The following LRP5 variants were observed in gnomAD, a reference collection of about 807,000 sequenced individuals.
The protein encoded by LRP5 is LDL receptor related protein 5, also known as low-density lipoprotein receptor-related protein 5.
In LRP5, 62 loss-of-function variants were observed where a neutral mutation model predicts 154.1. The ratio of observed to expected loss-of-function variants is 0.40; its 90% CI spans 0.33 to 0.50. The LOEUF is 0.50. Among genes scored for constraint, LRP5 ranks in the 20% least tolerant of loss-of-function variants. The pLI, the probability that LRP5 is intolerant of heterozygous loss-of-function variation, is 0.55. For missense variants in LRP5, 1,915 were observed against 2,336.7 expected (o/e 0.82, Z 3.72); for synonymous variants, 966 against 1,011.5 (o/e 0.96, Z 0.85).
intron 6 of LRP5, among the ~76,000 whole-genome samples, chr11:68,387,448 T>C (rs1178736548): frequency 1.3e-5 from 2 of 152,172 alleles, no homozygotes; most frequent in Non-Finnish European, 2.9e-5. Context: ...TTGCACACCA[T>C]GGGTCTTTTC....
At chr11:68,305,517 A>C in the LRP5 span, among the ~76,000 whole-genome samples, 3 of 152,130 alleles carry the variant, frequency 2.0e-5, no homozygotes, top group Non-Finnish European at 4.4e-5. Context: ...ATCTTGGCTC[A>C]CTACAACCTC....
At chr11:68,326,795 G>T (rs537455004) in intron 1 of LRP5, among the ~76,000 whole-genome samples, 43 of 152,360 alleles carry the variant, frequency 2.8e-4, no homozygotes, top group Non-Finnish European at 5.0e-4. Context: ...TGTAGGAGAC[G>T]TGTGTCTCCA....
rs150771999 is a variant in LRP5, at chr11:68,389,964, A to G, written c.1496A>G (p.Asn499Ser). ...LDGQERRVLV[N>S]ASLGWPNGLA... ...GGGCAGGAGCGGCGTGTGCTGGTCA[A>G]TGCCTCCCTCGGGTGGCCCAACGGC... Residue 499 changes from asparagine to serine, a missense_variant, in exon 7 of 23, where the codon AAT becomes AGT. Coordinates refer to ENST00000294304, the MANE Select transcript of LRP5 (RefSeq NM_002335.4). 6.5e-5 allele frequency: 105 copies of G among 1,614,202 alleles called. No homozygotes were observed. The highest frequency in any genetic ancestry group is 1.6e-4 in the African/African-American group (12 of 75,056).
intron 2 of LRP5, among the ~76,000 whole-genome samples, chr11:68,351,554 C>T (rs2098618556): frequency 6.6e-6 from 1 of 152,178 alleles, no homozygotes; most frequent in African/African-American, 2.4e-5. Flanking sequence ...CTGCCATGGC[C>T]ATCGTGTCGC....
In LRP5 at chr11:68,372,217, C is replaced by T. The variant is rs369397070; in HGVS notation, c.1015+6515C>T. Among the ~76,000 whole-genome samples, 124 of 150,538 alleles carry T rather than the reference C, an allele frequency of 8.2e-4. No individual in the cohort carries two copies. In the East Asian group the frequency reaches 0.018, roughly 22 times the overall value. ...GTGCAGTGTCAGGCAGACCCGGGAC[C>T]GTGGCGGTGAGGAGGTGCAGTGTCA... On this transcript the variant is annotated intron_variant, in intron 5 of 22. Transcript: ENST00000294304.
chr11:68,360,996 CAAAAA>C (rs71043425), intron 3 of LRP5, among the ~76,000 whole-genome samples: 3 of 15,744 alleles, frequency 1.9e-4, no homozygotes, highest in African/African-American at 5.7e-4. Context: ...GACTCTATCT[CAAAAA>C]AAAAAAAAAA....
At position 68,387,114 on chromosome 11, in the gene LRP5, T is replaced by C. The variant is rs527890070; in HGVS notation, c.1412+402T>C. On this transcript the variant is annotated intron_variant, in intron 6 of 22. Transcript: ENST00000294304. ...GACCACAGTACAGGCCAGGCCTCTTTTTTTCTTTTTTTTTTTTTGAGATGG... is the reference window on the plus strand; with the variant it reads ...GACCACAGTACAGGCCAGGCCTCTTCTTTTCTTTTTTTTTTTTTGAGATGG... Among the ~76,000 whole-genome samples the C allele has an allele frequency of 1.9e-4, 29 of 148,946 alleles. No individual in the cohort carries two copies. The East Asian group carries it at 5.6e-3, about 29-fold the overall frequency.
At chr11:68,437,843 C>T (rs552749479) in intron 19 of LRP5, among the ~76,000 whole-genome samples, 27 of 152,254 alleles carry the variant, frequency 1.8e-4, no homozygotes, top group Admixed American at 4.6e-4. Flanking sequence ...GCTGTGGGGG[C>T]GCTGTTGATG....
intron 18 of LRP5, among the ~76,000 whole-genome samples, chr11:68,435,499 C>A (rs113873753): frequency 1.0e-5 from 1 of 100,238 alleles, no homozygotes; most frequent in African/African-American, 4.6e-5. Flanking sequence ...AGAGAGAGAG[C>A]GCCTCTCCCT....
chr11:68,337,736 G>T (rs949094075), intron 1 of LRP5, among the ~76,000 whole-genome samples: 1 of 151,808 alleles, frequency 6.6e-6, no homozygotes, highest in Non-Finnish European at 1.5e-5. Context: ...CAAGAAGCCT[G>T]CCTGATCCAC....
intron 1 of LRP5, among the ~76,000 whole-genome samples, chr11:68,323,827 C>A (rs1348555301): frequency 6.6e-6 from 1 of 152,184 alleles, no homozygotes; most frequent in African/African-American, 2.4e-5. Flanking sequence ...CAGGTTATGC[C>A]CCCGGGAGTT....
chr11:68,416,534 G>T lies in LRP5; in HGVS notation c.3027+7G>T, dbSNP rs776561040. The stretch of plus-strand genomic sequence containing the variant: ...CAAGGACGACGGGACCCAGGCAGGT[G>T]CCCTGTGGGAAGGGTGCGGGGTGTG... On this transcript the variant is annotated splice_region_variant and intron_variant, in intron 13 of 22. Transcript: ENST00000294304. The T allele has an allele frequency of 6.8e-6, 11 of 1,613,936 alleles. No individual in the cohort carries two copies. The Admixed American group carries it at 1.7e-4, about 24-fold the overall frequency.
intron 1 of LRP5, among the ~76,000 whole-genome samples, chr11:68,339,399 G>A (rs1490263151): frequency 6.6e-6 from 1 of 152,096 alleles, no homozygotes; most frequent in Non-Finnish European, 1.5e-5. Flanking sequence ...CCAGGCTGGA[G>A]TGCAGTGGTG....
At chr11:68,418,807 T>C (rs2098663984) in intron 13 of LRP5, among the ~76,000 whole-genome samples, 1 of 152,190 alleles carries the variant, frequency 6.6e-6, no homozygotes, top group Non-Finnish European at 1.5e-5. Flanking sequence ...ATTCCTTTCA[T>C]CTTGCTTGCT....
At chr11:68,361,993 G>C (rs1173849529) in intron 3 of LRP5, among the ~76,000 whole-genome samples, 4 of 152,220 alleles carry the variant, frequency 2.6e-5, no homozygotes, top group Non-Finnish European at 5.9e-5. Context: ...TAGCAGCACT[G>C]TGCACAACAG....
the LRP5 span, among the ~76,000 whole-genome samples, chr11:68,305,755 T>C: frequency 6.6e-6 from 1 of 152,190 alleles, no homozygotes; most frequent in African/African-American, 2.4e-5. Context: ...AGGTATTTCT[T>C]TATAGTAATA....
At chr11:68,341,115 C>T (rs1487154750) in intron 1 of LRP5, among the ~76,000 whole-genome samples, 2 of 136,162 alleles carry the variant, frequency 1.5e-5, no homozygotes, top group African/African-American at 5.7e-5. Context: ...TATTGTGACT[C>T]AGACGTTTTC....
rs750905217 is a variant in LRP5 at position 68,348,076 on chromosome 11, G to C, written c.321G>C (p.Leu107=). The C allele has an allele frequency of 6.2e-6, 10 of 1,614,010 alleles. No individual in the cohort carries two copies. Among genetic ancestry groups the C allele is most frequent in the Non-Finnish European group, 8.5e-6 (10 of 1,180,048 alleles). Residue 107 remains leucine (L), a synonymous_variant, in exon 2 of 23, where the codon CTG becomes CTC. Transcript: ENST00000294304. Reference sequence around the variant, plus strand: ...TGCAGAACGTGGTCATCTCCGGCCTGGTCTCTCCCGACGGCCTCGCCTGCG... The same window carrying C: ...TGCAGAACGTGGTCATCTCCGGCCTCGTCTCTCCCGACGGCCTCGCCTGCG... ...AAVQNVVISG[L]VSPDGLACDW...
chr11:68,440,632 G>A lies in LRP5; in HGVS notation c.4488+716G>A, dbSNP rs180799152. 1.1e-4 allele frequency among the ~76,000 whole-genome samples: 16 copies of A among 152,326 alleles called. No homozygotes were observed. The East Asian group carries it at 2.1e-3, about 20-fold the overall frequency. ...TGTATGCTTTTCATTTGTTCCTGCA[G>A]CTGTATGCCCCTAAGGTGAGTCCAG... On this transcript the variant is annotated intron_variant, in intron 21 of 22. Coordinates refer to ENST00000294304, the MANE Select transcript of LRP5 (RefSeq NM_002335.4).
Sources: allele counts gnomAD v4.1 joint callset (sites outside exome capture counted in the v4.1 genomes callset), GRCh38; gene constraint gnomAD v4.1.1; transcripts MANE v1.5; gene names NCBI Gene and HGNC (gene_info 2026-07-23, HGNC 2026-07-21).